The following GOLIM4 variants were observed in gnomAD, a reference collection of about 807,000 sequenced individuals.
GOLIM4 encodes the protein 130 kDa golgi-localized phosphoprotein.
In GOLIM4, 71 loss-of-function variants were observed where a neutral mutation model predicts 107.4. The ratio of observed to expected loss-of-function variants is 0.66; its 90% CI spans 0.55 to 0.81. The LOEUF is 0.81. Among genes scored for constraint, GOLIM4 ranks in the 30% least tolerant of loss-of-function variants. The pLI is 0.00. For synonymous variants in GOLIM4, 327 were observed against 294.8 expected (o/e 1.11, Z -1.12); for missense variants, 830 against 826.1 (o/e 1.00, Z -0.06).
chr3:168,069,292 A>G lies in GOLIM4; in HGVS notation c.188-20927T>C, dbSNP rs1372300591. On this transcript the variant is annotated intron_variant, in intron 1 of 15. Coordinates refer to ENST00000470487, the MANE Select transcript of GOLIM4 (RefSeq NM_014498.5). ...AAGCGAAAGATAAAAATGTACTCAT[A>G]TGGCCGGAACATTGCTAGGTCCAAG... Among the ~76,000 whole-genome samples, 3 of 152,202 alleles carry G rather than the reference A, an allele frequency of 2.0e-5. No individual in the cohort carries two copies. In the East Asian group the frequency reaches 5.8e-4, roughly 29 times the overall value.
intron 1 of GOLIM4, among the ~76,000 whole-genome samples, chr3:168,084,569 A>G (rs1721530384): frequency 6.6e-6 from 1 of 152,180 alleles, no homozygotes; most frequent in Non-Finnish European, 1.5e-5. Flanking sequence ...GTGAGTGACC[A>G]TGGCAGAGTC....
intron 1 of GOLIM4, among the ~76,000 whole-genome samples, chr3:168,074,491 G>A (rs1301490540): frequency 6.6e-6 from 1 of 152,126 alleles, no homozygotes; most frequent in African/African-American, 2.4e-5. Flanking sequence ...CATGAGAAAG[G>A]CGTGAGCTTG....
chr3:168,081,072 G>C (rs1205626502), intron 1 of GOLIM4, among the ~76,000 whole-genome samples: 1 of 152,186 alleles, frequency 6.6e-6, no homozygotes, highest in Non-Finnish European at 1.5e-5. Flanking sequence ...AGCCTGTGGT[G>C]AATGTTAGCA....
chr3:168,081,567 C>T (rs1463742438), intron 1 of GOLIM4, among the ~76,000 whole-genome samples: 1 of 152,130 alleles, frequency 6.6e-6, no homozygotes, highest in Non-Finnish European at 1.5e-5. Flanking sequence ...GCCTTGGAAA[C>T]AGGATTGTGT....
intron 1 of GOLIM4, among the ~76,000 whole-genome samples, chr3:168,061,508 T>C (rs1235235107): frequency 6.6e-6 from 1 of 152,140 alleles, no homozygotes; most frequent in East Asian, 1.9e-4. Flanking sequence ...CCAAAAGTCA[T>C]ATAGGAGAGT....
intron 14 of GOLIM4, among the ~76,000 whole-genome samples, chr3:168,015,645 A>G (rs1338524642): frequency 4.4e-5 from 6 of 136,548 alleles, no homozygotes; most frequent in Non-Finnish European, 7.4e-5. Context: ...AAACTATACT[A>G]CAAGGCTACA....
chr3:168,090,688 TA>T (rs1181347653), intron 1 of GOLIM4, among the ~76,000 whole-genome samples: 1 of 152,086 alleles, frequency 6.6e-6, no homozygotes, highest in Non-Finnish European at 1.5e-5. Context: ...CAAAGGGAAA[TA>T]AATAATTATA....
Position 168,095,109 on chromosome 3 carries a change from G to C in GOLIM4, c.177C>G (p.Ala59=). Residue 59 remains alanine (A), a synonymous_variant, in exon 1 of 16, where the codon GCC becomes GCG. Coordinates refer to ENST00000470487, the MANE Select transcript of GOLIM4 (RefSeq NM_014498.5). ...KYQQHQESLS[A]QLQVVYEHRS... is the part of the protein sequence containing the mutation. ...TCCCGTTAGCCGTACCTTGTAACTG[G>C]GCGGAGAGGGACTCCTGGTGCTGCT... 6.2e-7 allele frequency: 1 copy of C among 1,601,646 alleles called. No individual in the cohort carries two copies. The highest frequency in any genetic ancestry group is 1.1e-5 in the South Asian group (1 of 90,676).
rs902172378 is a variant in GOLIM4 at position 168,024,823 on chromosome 3, T to G, written c.1791+105A>C. The G allele has an allele frequency of 5.0e-6, 6 of 1,189,834 alleles. No homozygotes were observed. In the Admixed American group the frequency reaches 1.1e-4, roughly 23 times the overall value. The allele number at this position is 1,189,834 out of a possible 1,614,324, so 73.7% of individuals were successfully genotyped here. ...TAAAGTGGCCTAAAAACCACCGAAG[T>G]GGCAAACCTTCCGTCAATGTGGAAT... On this transcript the variant is annotated intron_variant, in intron 13 of 15. Coordinates refer to ENST00000470487, the MANE Select transcript of GOLIM4 (RefSeq NM_014498.5).
At chr3:168,086,048 A>G (rs902658663) in intron 1 of GOLIM4, among the ~76,000 whole-genome samples, 43 of 152,298 alleles carry the variant, frequency 2.8e-4, no homozygotes, top group African/African-American at 9.6e-4. Flanking sequence ...GACCGCCTAT[A>G]CAGTAAAAAA....
Position 168,032,684 on chromosome 3 carries a change from C to T in GOLIM4, c.1012G>A (p.Glu338Lys), listed in dbSNP as rs1718399805. The T allele has an allele frequency of 4.3e-6, 7 of 1,613,938 alleles. No homozygotes were observed. Among genetic ancestry groups the T allele is most frequent in the East Asian group, 2.2e-5 (1 of 44,872 alleles). The change falls in exon 9 of 16, where the codon GAG becomes AAG. Residue 338 changes from glutamate to lysine, a missense_variant. Coordinates refer to ENST00000470487, the MANE Select transcript of GOLIM4 (RefSeq NM_014498.5). ...TCCTCCTCCAGGGCCTTTCTGTGCT[C>T]CTCTTCCACCTGATGCTCCTCAGGT... ...REPEEHQVEE[E>K]HRKALEEEEM...
At chr3:168,081,472 A>G (rs1721361466) in intron 1 of GOLIM4, among the ~76,000 whole-genome samples, 1 of 152,176 alleles carries the variant, frequency 6.6e-6, no homozygotes, top group Non-Finnish European at 1.5e-5. Flanking sequence ...ATCTAAAAAA[A>G]GGTAGAGTGC....
Position 168,024,577 on chromosome 3 carries a change from G to A in GOLIM4, c.1809C>T (p.Asp603=), listed in dbSNP as rs1717892355. 3.1e-6 allele frequency: 5 copies of A among 1,613,336 alleles called. No homozygotes were observed. The highest frequency in any genetic ancestry group is 4.2e-6 in the Non-Finnish European group (5 of 1,179,356). The change falls in exon 14 of 16, where the codon GAC becomes GAT. Residue 603 remains aspartate (D), a synonymous_variant. Coordinates refer to ENST00000470487, the MANE Select transcript of GOLIM4 (RefSeq NM_014498.5). Reference sequence around the variant, plus strand: ...GTTCATCAACATTGTCCTCCTGCTGGTCTGGATTTCCTGCCATCTGTTGGA... The same window carrying A: ...GTTCATCAACATTGTCCTCCTGCTGATCTGGATTTCCTGCCATCTGTTGGA... The part of the protein sequence containing the change: ...EEHLVMAGNP[D]QQEDNVDEQY...
chr3:168,088,796 A>AT (rs1356409516), intron 1 of GOLIM4, among the ~76,000 whole-genome samples: 4 of 152,210 alleles, frequency 2.6e-5, no homozygotes, highest in African/African-American at 9.7e-5. Flanking sequence ...CAATTCACTT[A>AT]TTCCTTCAGC....
chr3:168,076,118 C>A (rs569018771), intron 1 of GOLIM4, among the ~76,000 whole-genome samples: 1 of 152,294 alleles, frequency 6.6e-6, no homozygotes, highest in African/African-American at 2.4e-5. Flanking sequence ...TATAAATTTT[C>A]CACAACCTTT....
intron 1 of GOLIM4, among the ~76,000 whole-genome samples, chr3:168,068,930 G>A (rs1046810341): frequency 4.0e-5 from 6 of 151,324 alleles, no homozygotes; most frequent in East Asian, 1.9e-4. Flanking sequence ...TCTACCTGCC[G>A]GGTTCAAGCG....
chr3:168,070,141 C>A (rs564959487), intron 1 of GOLIM4, among the ~76,000 whole-genome samples: 60 of 152,318 alleles, frequency 3.9e-4, no homozygotes, highest in Admixed American at 7.2e-4. Flanking sequence ...TGCCTGTAAT[C>A]CCAGCACTTT....
At chr3:168,047,103 AGGTT>A in intron 2 of GOLIM4, 104 bp from the exon 3 acceptor site, 1 of 591,562 alleles carries the variant, frequency 1.7e-6, no homozygotes, top group Non-Finnish European at 3.0e-6. Context: ...AAAGTGTTTT[AGGTT>A]TAAAACAATC....
chr3:168,061,735 A>C (rs934624313), intron 1 of GOLIM4, among the ~76,000 whole-genome samples: 1 of 152,236 alleles, frequency 6.6e-6, no homozygotes, highest in African/African-American at 2.4e-5. Context: ...GTTCAAAAAC[A>C]GGCACGAGTG....
Sources: gnomAD v4.1 joint callset for allele counts (sites outside exome capture counted in the v4.1 genomes callset) on GRCh38, gnomAD v4.1.1 for gene constraint, MANE v1.5 for transcripts, NCBI Gene and HGNC (gene_info 2026-07-23, HGNC 2026-07-21) for gene names.